The following PROSER2 variants were observed in gnomAD, a reference collection of about 807,000 sequenced individuals.
PROSER2 encodes proline and serine-rich protein 2.
A neutral mutation model predicts 14.6 loss-of-function variants in PROSER2; 18 were observed. That is an observed-to-expected ratio of 1.23 (90% CI 0.85 to 1.83). PROSER2 has a LOEUF of 1.83. PROSER2 is among the 40% of genes most tolerant of loss of function. PROSER2 has a pLI of 0.00. For missense variants in PROSER2, 823 were observed against 629.8 expected, an observed-to-expected ratio of 1.31 and a Z score of -3.28; for synonymous variants, 367 against 286.4, an observed-to-expected ratio of 1.28 and a Z score of -2.84.
At chr10:11,826,415 A>G (rs1833613855) in intron 1 of PROSER2, among the ~76,000 whole-genome samples, 1 of 152,184 alleles carries the variant, frequency 6.6e-6, no homozygotes, top group African/African-American at 2.4e-5. Context: ...CCCGGGTCAT[A>G]TGGTAATTCT....
chr10:11,849,360 A>G (rs1202507226), intron 1 of PROSER2, among the ~76,000 whole-genome samples: 1 of 151,998 alleles, frequency 6.6e-6, no homozygotes, highest in Non-Finnish European at 1.5e-5. Flanking sequence ...AAACACGCAC[A>G]CTCCCAGCCT....
At chr10:11,844,385 A>G (rs1327085396) in intron 1 of PROSER2, among the ~76,000 whole-genome samples, 1 of 152,230 alleles carries the variant, frequency 6.6e-6, no homozygotes, top group African/African-American at 2.4e-5. Flanking sequence ...TAAAAACTCT[A>G]CATTTAACTC....
intron 1 of PROSER2, 160 bp from the exon 2 acceptor site, chr10:11,851,837 G>C (rs1797969695): frequency 2.8e-6 from 1 of 359,648 alleles, no homozygotes; most frequent in African/African-American, 2.1e-5. Context: ...AGACATGGCA[G>C]TCAGCATCCT....
At chr10:11,839,412 T>A (rs1833805525) in intron 1 of PROSER2, among the ~76,000 whole-genome samples, 2 of 152,292 alleles carry the variant, frequency 1.3e-5, no homozygotes, top group Non-Finnish European at 2.9e-5. Context: ...TTACAAATTT[T>A]AAAAAAATAC....
chr10:11,850,658 C>G (rs909857919), intron 1 of PROSER2: 2 of 152,162 alleles, frequency 1.3e-5, no homozygotes, highest in Non-Finnish European at 2.9e-5. Context: ...TTGATGTGTA[C>G]CGATTAAGCA....
chr10:11,849,067 G>A (rs570672265), intron 1 of PROSER2, among the ~76,000 whole-genome samples: 2 of 149,938 alleles, frequency 1.3e-5, no homozygotes, highest in Admixed American at 6.6e-5. Context: ...CATGCCTGTA[G>A]TCCCAGCTAC....
rs1226069112 is a variant in PROSER2 at position 11,837,150 on chromosome 10, T to G, written c.-82+13680T>G. Among the ~76,000 whole-genome samples, 1 of 152,034 alleles carries G rather than the reference T, an allele frequency of 6.6e-6. No individual in the cohort carries two copies. Among genetic ancestry groups the G allele is most frequent in the African/African-American group, 2.4e-5 (1 of 41,382 alleles). On this transcript the variant is annotated intron_variant, in intron 1 of 3. Transcript: ENST00000277570. The surrounding 1 kb of genome is among the most constrained non-coding windows in gnomAD (Gnocchi z 4.6). ...ATGCTGGCTGGTAATTTGTATATGC[T>G]GAAGAGAAGCTACCAAGTGCTTCCT...
Position 11,852,237 on chromosome 10 carries a change from A to G in PROSER2, c.138+22A>G, listed in dbSNP as rs1834034666. The G allele has an allele frequency of 1.9e-6, 3 of 1,589,812 alleles. No homozygotes were observed. In the East Asian group the frequency reaches 6.9e-5, roughly 36 times the overall value. On this transcript the variant is annotated intron_variant, in intron 2 of 3. Transcript: ENST00000277570. ...TTTGGTGAGTGACAGTTTTTCTTTC[A>G]TGCTTTCCTGTGCCTGGGTCAGTGG...
At position 11,856,742 on chromosome 10, in the gene PROSER2, C is replaced by T. The variant is rs1283616404; in HGVS notation, c.138+4527C>T. Among the ~76,000 whole-genome samples, 4 of 152,246 alleles carry T rather than the reference C, an allele frequency of 2.6e-5. No homozygotes were observed. Among genetic ancestry groups the T allele is most frequent in the African/African-American group, 4.8e-5 (2 of 41,466 alleles). On this transcript the variant is annotated intron_variant, in intron 2 of 3. Transcript: ENST00000277570. This position sits in a 1 kb window ranked among gnomAD's most constrained non-coding sequence, Gnocchi z 5.3. Reference sequence around the variant, plus strand: ...CCTGAGCCACCCTGTTGCTCCAGAGCACTTGACACCTTTGGCCCCACACAT... The same window carrying T: ...CCTGAGCCACCCTGTTGCTCCAGAGTACTTGACACCTTTGGCCCCACACAT...
At chr10:11,826,177 G>T (rs1833609817) in intron 1 of PROSER2, among the ~76,000 whole-genome samples, 1 of 152,020 alleles carries the variant, frequency 6.6e-6, no homozygotes, top group South Asian at 2.1e-4. Context: ...GTTTTTCAAG[G>T]TCCGTCCGTG....
At chr10:11,858,599 C>T (rs1834169061) in intron 2 of PROSER2, among the ~76,000 whole-genome samples, 1 of 152,120 alleles carries the variant, frequency 6.6e-6, no homozygotes, top group South Asian at 2.1e-4. Context: ...TAGAAATTCT[C>T]TCTTCAAAAT....
rs1182160561 is a variant in PROSER2 at position 11,838,887 on chromosome 10, T to G, written c.-81-13110T>G. 6.6e-6 allele frequency among the ~76,000 whole-genome samples: 1 copy of G among 152,224 alleles called. No individual in the cohort carries two copies. Among genetic ancestry groups the G allele is most frequent in the Non-Finnish European group, 1.5e-5 (1 of 68,036 alleles). The stretch of plus-strand genomic sequence containing the variant: ...TTCTTATATTCTAGCTATCAATTCC[T>G]TATACGTATTAGACATAGTACATAT... On this transcript the variant is annotated intron_variant, in intron 1 of 3. Transcript: ENST00000277570. The surrounding 1 kb of genome is among the most constrained non-coding windows in gnomAD (Gnocchi z 4.4).
chr10:11,852,250 C>G, intron 2 of PROSER2, 35 bp downstream of exon 2: 1 of 1,569,366 alleles, frequency 6.4e-7, no homozygotes. Context: ...CTTTCCTGTG[C>G]CTGGGTCAGT....
At position 11,856,523 on chromosome 10, in the gene PROSER2, G is replaced by A. The variant is rs1308235206; in HGVS notation, c.138+4308G>A. ...GAACAGCATGGCTGCTTTTGTGAGGGTGGCTGGGGACATCCCAAGTCTACC... is the reference window on the plus strand; with the variant it reads ...GAACAGCATGGCTGCTTTTGTGAGGATGGCTGGGGACATCCCAAGTCTACC... On this transcript the variant is annotated intron_variant, in intron 2 of 3. Transcript: ENST00000277570. The surrounding 1 kb of genome is among the most constrained non-coding windows in gnomAD (Gnocchi z 5.3). 2.0e-5 allele frequency among the ~76,000 whole-genome samples: 3 copies of A among 152,244 alleles called. No individual in the cohort carries two copies. Among genetic ancestry groups the A allele is most frequent in the Admixed American group, 1.3e-4 (2 of 15,288 alleles).
chr10:11,837,938 C>T lies in PROSER2; in HGVS notation c.-81-14059C>T, dbSNP rs896205309. 9.9e-5 allele frequency among the ~76,000 whole-genome samples: 15 copies of T among 151,742 alleles called. No individual in the cohort carries two copies. The highest frequency in any genetic ancestry group is 2.2e-4 in the Non-Finnish European group (15 of 67,958). On this transcript the variant is annotated intron_variant, in intron 1 of 3. Transcript: ENST00000277570. This position sits in a 1 kb window ranked among gnomAD's most constrained non-coding sequence, Gnocchi z 4.6. ...ACCCTTGCGGTCTTCGGACTTCCCT[C>T]CTGAATTGCCCCGGGGTTTCTAGGT...
At chr10:11,858,807 G>A (rs997832243) in intron 2 of PROSER2, among the ~76,000 whole-genome samples, 3 of 150,274 alleles carry the variant, frequency 2.0e-5, no homozygotes, top group Admixed American at 6.7e-5. Flanking sequence ...TCAGGAGTTC[G>A]AGACCAGCCT....
chr10:11,852,289 A>G (rs1302493611), intron 2 of PROSER2, 74 bp downstream of exon 2: 4 of 1,470,948 alleles, frequency 2.7e-6, no homozygotes, highest in South Asian at 1.4e-5. Context: ...TCTCCCTTGA[A>G]GGAATATTTT....
At chr10:11,840,268 A>T (rs1833818022) in intron 1 of PROSER2, among the ~76,000 whole-genome samples, 1 of 24,614 alleles carries the variant, frequency 4.1e-5, no homozygotes, top group Non-Finnish European at 1.1e-4. Flanking sequence ...GTTGTCATTA[A>T]AAAAAAAAAA....
At chr10:11,833,779 A>AT (rs1361530153) in intron 1 of PROSER2, among the ~76,000 whole-genome samples, 5 of 152,254 alleles carry the variant, frequency 3.3e-5, no homozygotes, top group African/African-American at 9.6e-5. Context: ...TATGGGATCA[A>AT]TTGTATCCAA....
Sources: gnomAD v4.1 joint callset for allele counts (sites outside exome capture counted in the v4.1 genomes callset) on GRCh38, gnomAD v4.1.1 for gene constraint, Gnocchi (gnomAD v3.1) non-coding constraint, MANE v1.5 for transcripts, NCBI Gene and HGNC (gene_info 2026-07-23, HGNC 2026-07-21) for gene names.